FUT8: variants seen among roughly 807,000 people sequenced by gnomAD.
FUT8 encodes alpha-(1,6)-fucosyltransferase.
FUT8 carries 29 observed loss-of-function variants against 71.3 expected under a neutral mutation model. That is an observed-to-expected ratio of 0.41 (90% CI 0.30 to 0.55). FUT8 has a LOEUF of 0.55. Among genes scored for constraint, FUT8 ranks in the 20% least tolerant of loss-of-function variants. The pLI, the probability that FUT8 is intolerant of heterozygous loss-of-function variation, is 0.34. For synonymous variants in FUT8, 254 were observed against 239.3 expected, an observed-to-expected ratio of 1.06 and a Z score of -0.57; for missense variants, 544 against 702.1, an observed-to-expected ratio of 0.77 and a Z score of 2.55.
At chr14:65,421,003 G>A (rs2065285026) in intron 1 of FUT8, among the ~76,000 whole-genome samples, 1 of 152,044 alleles carries the variant, frequency 6.6e-6, no homozygotes, top group Admixed American at 6.6e-5. Context: ...GACCATCCTG[G>A]CCAACATGGT....
At chr14:65,540,444 T>C (rs1316809067) in intron 2 of FUT8, among the ~76,000 whole-genome samples, 1 of 152,166 alleles carries the variant, frequency 6.6e-6, no homozygotes, top group African/African-American at 2.4e-5. Flanking sequence ...TTATTGAAAG[T>C]GTAATAACTG....
intron 3 of FUT8, among the ~76,000 whole-genome samples, chr14:65,576,159 G>C (rs903911347): frequency 2.6e-5 from 4 of 152,116 alleles, no homozygotes; most frequent in Non-Finnish European, 4.4e-5. Flanking sequence ...ATGGCCGTGG[G>C]ACAAGTCTAC....
rs201805619 is a variant in FUT8 at position 65,692,037 on chromosome 14, A to G, written c.835+22557A>G. 5.7e-3 allele frequency among the ~76,000 whole-genome samples: 860 copies of G among 151,884 alleles called. 25 individuals are homozygous for G. In the East Asian group the frequency reaches 0.091, roughly 16 times the overall value. Reference sequence around the variant, plus strand: ...GACACGGCAACCATCCGATTTCTCAATCTTTTCCCCACCTTTCCCCCCTTT... The same window carrying G: ...GACACGGCAACCATCCGATTTCTCAGTCTTTTCCCCACCTTTCCCCCCTTT... On this transcript the variant is annotated intron_variant, in intron 7 of 10. Transcript: ENST00000673929.
At chr14:65,596,046 AC>A (rs1212276699) in intron 3 of FUT8, among the ~76,000 whole-genome samples, 3 of 152,242 alleles carry the variant, frequency 2.0e-5, no homozygotes, top group Non-Finnish European at 4.4e-5. Flanking sequence ...TTATCTAATA[AC>A]AGTAGAAATG....
intron 1 of FUT8, among the ~76,000 whole-genome samples, chr14:65,421,263 A>G (rs2139383357): frequency 6.6e-6 from 1 of 151,524 alleles, no homozygotes; most frequent in East Asian, 1.9e-4. Context: ...GTGGAAGTGG[A>G]TCATCACAAA....
chr14:65,722,580 G>GAATATCAAA (rs1205502805), intron 8 of FUT8, among the ~76,000 whole-genome samples: 1 of 152,210 alleles, frequency 6.6e-6, no homozygotes, highest in Admixed American at 6.5e-5. Context: ...TGTGAAGTCA[G>GAATATCAAA]AATATCAAAT....
chr14:65,566,691 A>G (rs1886213406), intron 3 of FUT8, among the ~76,000 whole-genome samples: 2 of 152,010 alleles, frequency 1.3e-5, no homozygotes, highest in Admixed American at 6.6e-5. Flanking sequence ...TGATTGAATC[A>G]GTTGACTTTG....
intron 1 of FUT8, among the ~76,000 whole-genome samples, chr14:65,433,339 A>G (rs973439892): frequency 2.0e-5 from 3 of 152,194 alleles, no homozygotes; most frequent in Admixed American, 6.5e-5. Flanking sequence ...GTACATAGTG[A>G]TGATTAGCTT....
At chr14:65,626,212 C>T (rs759829267) in intron 5 of FUT8, among the ~76,000 whole-genome samples, 3 of 149,142 alleles carry the variant, frequency 2.0e-5, no homozygotes, top group Non-Finnish European at 3.0e-5. Flanking sequence ...TCTCTGAGGA[C>T]CTCTAGCATT....
chr14:65,505,255 GT>G (rs2066709647), intron 2 of FUT8, among the ~76,000 whole-genome samples: 1 of 145,020 alleles, frequency 6.9e-6, no homozygotes. Context: ...AATTGAATCA[GT>G]TTTGTTGGTT....
chr14:65,546,307 T>C (rs191917343), intron 2 of FUT8, among the ~76,000 whole-genome samples: 1 of 151,878 alleles, frequency 6.6e-6, no homozygotes, highest in East Asian at 1.9e-4. Flanking sequence ...TTTTAAGTCA[T>C]TAGGCTATTC....
chr14:65,586,594 G>A (rs1381851360), intron 3 of FUT8, among the ~76,000 whole-genome samples: 1 of 152,144 alleles, frequency 6.6e-6, no homozygotes, highest in Non-Finnish European at 1.5e-5. Flanking sequence ...AAAATTTGGA[G>A]TTGGAAGTAT....
At chr14:65,656,827 G>A (rs986996402) in intron 6 of FUT8, among the ~76,000 whole-genome samples, 1 of 152,138 alleles carries the variant, frequency 6.6e-6, no homozygotes, top group African/African-American at 2.4e-5. Flanking sequence ...CAATGGAACA[G>A]GTGGAGAACC....
chr14:65,384,907 T>C, the FUT8 span, among the ~76,000 whole-genome samples: 2 of 152,052 alleles, frequency 1.3e-5, no homozygotes, highest in African/African-American at 4.8e-5. This position sits in a 1 kb window ranked among gnomAD's most constrained non-coding sequence, Gnocchi z 4.2. Context: ...TTTTTTTTTT[T>C]TGAGACAGAG....
In FUT8 at chr14:65,550,726, A is replaced by G. The variant is rs577004915; in HGVS notation, c.-227-10611A>G. The stretch of plus-strand genomic sequence containing the variant: ...TGTTTCAGCGCTCTTGTCTGCTGTC[A>G]TCATTGTCATTTCTGTTTTCTGGAT... On this transcript the variant is annotated intron_variant, in intron 2 of 10. Transcript: ENST00000673929. This position sits in a 1 kb window ranked among gnomAD's most constrained non-coding sequence, Gnocchi z 4.5. 6.6e-6 allele frequency among the ~76,000 whole-genome samples: 1 copy of G among 152,278 alleles called. No individual in the cohort carries two copies. The highest frequency in any genetic ancestry group is 1.9e-4 in the East Asian group (1 of 5,192).
intron 7 of FUT8, among the ~76,000 whole-genome samples, chr14:65,682,411 G>A (rs1045952268): frequency 3.3e-5 from 5 of 151,980 alleles, no homozygotes; most frequent in African/African-American, 1.2e-4. Flanking sequence ...GGGAAGCTGA[G>A]GTAGGATTGC....
the FUT8 span, among the ~76,000 whole-genome samples, chr14:65,401,797 G>C: frequency 3.3e-5 from 5 of 151,340 alleles, no homozygotes; most frequent in Non-Finnish European, 5.9e-5. Flanking sequence ...GGAGGTTGAG[G>C]CATAAGAATC....
intron 2 of FUT8, among the ~76,000 whole-genome samples, chr14:65,539,344 T>C (rs1884539426): frequency 6.6e-6 from 1 of 152,232 alleles, no homozygotes; most frequent in Non-Finnish European, 1.5e-5. Context: ...CCGTGTTTCT[T>C]TGATTCATTT....
chr14:65,478,494 T>C (rs1303819191), intron 2 of FUT8, among the ~76,000 whole-genome samples: 2 of 152,120 alleles, frequency 1.3e-5, no homozygotes, highest in Non-Finnish European at 2.9e-5. Context: ...AATTCTTAAG[T>C]GTGATTTTTT....
Sources: gnomAD v4.1 joint callset for allele counts (sites outside exome capture counted in the v4.1 genomes callset) on GRCh38, gnomAD v4.1.1 for gene constraint, Gnocchi (gnomAD v3.1) non-coding constraint, MANE v1.5 for transcripts, NCBI Gene and HGNC (gene_info 2026-07-23, HGNC 2026-07-21) for gene names.